The following ADGRL2 variants were observed in gnomAD, a reference collection of about 807,000 sequenced individuals.
ADGRL2 encodes the protein adhesion G protein-coupled receptor L2, also known as calcium-independent alpha-latrotoxin receptor 2.
A neutral mutation model predicts 157.4 loss-of-function variants in ADGRL2; 44 were observed. The observed-to-expected ratio is 0.28, with a 90% CI of 0.22 to 0.36. The LOEUF is 0.36. Ranked by LOEUF, ADGRL2 falls within the 10% of genes least tolerant of loss-of-function variation. The probability of loss-of-function intolerance (pLI) is 1.00; values close to 1 mark genes in which losing one functional copy is unlikely to be tolerated. For missense variants in ADGRL2, 1,510 were observed against 1,768.9 expected (o/e 0.85, Z 2.63); for synonymous variants, 585 against 624.7 (o/e 0.94, Z 0.95).
chr1:81,875,237 AAAGGGATAT>A, intron 2 of ADGRL2, among the ~76,000 whole-genome samples: 1 of 152,256 alleles, frequency 6.6e-6, no homozygotes, highest in East Asian at 1.9e-4. Flanking sequence ...GAGTTGCATT[AAAGGGATAT>A]GACAGAGTGA....
chr1:81,638,500 G>A (rs754619134), intron 3 of ADGRL2, among the ~76,000 whole-genome samples: 2 of 152,012 alleles, frequency 1.3e-5, no homozygotes, highest in African/African-American at 2.4e-5. Flanking sequence ...GTATAAGTGC[G>A]ATAAATAACA....
chr1:81,802,918 C>T (rs959093816), intron 1 of ADGRL2, among the ~76,000 whole-genome samples: 3 of 152,080 alleles, frequency 2.0e-5, no homozygotes, highest in African/African-American at 7.2e-5. Context: ...GGACTGGCTA[C>T]GATTGGGAGC....
chr1:81,421,836 C>T (rs1045238131), intron 1 of ADGRL2, among the ~76,000 whole-genome samples: 1 of 151,966 alleles, frequency 6.6e-6, no homozygotes, highest in African/African-American at 2.4e-5. Flanking sequence ...GGGAAGAAAA[C>T]AGGGTTTAAT....
chr1:81,440,063 A>G (rs2077479510), intron 1 of ADGRL2, among the ~76,000 whole-genome samples: 1 of 152,210 alleles, frequency 6.6e-6, no homozygotes, highest in Non-Finnish European at 1.5e-5. Context: ...AAAAAAGGCT[A>G]AAGCAAAGAC....
chr1:81,706,704 TAAAA>T, intron 1 of ADGRL2, among the ~76,000 whole-genome samples: 1 of 152,130 alleles, frequency 6.6e-6, no homozygotes, highest in Middle Eastern at 3.4e-3. Flanking sequence ...GTCACACAGT[TAAAA>T]AGAAAACTGA....
chr1:81,897,162 C>A (rs1359059257), intron 2 of ADGRL2, among the ~76,000 whole-genome samples: 2 of 152,132 alleles, frequency 1.3e-5, no homozygotes, highest in African/African-American at 2.4e-5. Context: ...GACCTGGTGT[C>A]TTGAACTGGG....
intron 1 of ADGRL2, among the ~76,000 whole-genome samples, chr1:81,314,847 T>A (rs1408888803): frequency 6.6e-6 from 1 of 152,186 alleles, no homozygotes. Flanking sequence ...CTTGTCTGAC[T>A]TTATAACATT....
chr1:81,991,192 T>G lies in ADGRL2; in HGVS notation c.*47T>G. On this transcript the variant is annotated 3_prime_UTR_variant, in exon 24 of 24. Coordinates refer to ENST00000686636, the MANE Select transcript of ADGRL2 (RefSeq NM_001366006.2). ...AGGGCCACATGCGAGTATTAATAAA[T>G]AAAGACACCATTGGCCTGACGCAGC... The G allele has an allele frequency of 1.3e-6, 2 of 1,525,496 alleles. No homozygotes were observed. The highest frequency in any genetic ancestry group is 1.8e-6 in the Non-Finnish European group (2 of 1,132,188). The allele number at this position is 1,525,496 out of a possible 1,614,324, so 94.5% of individuals were successfully genotyped here.
At chr1:81,653,189 AT>A (rs993998643) in intron 3 of ADGRL2, among the ~76,000 whole-genome samples, 2 of 151,856 alleles carry the variant, frequency 1.3e-5, no homozygotes, top group African/African-American at 2.4e-5. Flanking sequence ...CTTGCAACTT[AT>A]TTTTTTACCT....
At chr1:81,682,657 A>G (rs918482186) in intron 3 of ADGRL2, among the ~76,000 whole-genome samples, 1 of 152,162 alleles carries the variant, frequency 6.6e-6, no homozygotes, top group Non-Finnish European at 1.5e-5. Context: ...GTCTCTTGGA[A>G]TGGATGGAAT....
intron 4 of ADGRL2, among the ~76,000 whole-genome samples, chr1:81,940,980 TTATGAA>T (rs1647731481): frequency 6.6e-6 from 1 of 151,356 alleles, no homozygotes; most frequent in East Asian, 1.9e-4. Flanking sequence ...CAGGTTTGTT[TTATGAA>T]AGCATTTACT....
chr1:81,875,042 A>G (rs1218618190), intron 2 of ADGRL2, among the ~76,000 whole-genome samples: 1 of 152,072 alleles, frequency 6.6e-6, no homozygotes, highest in Admixed American at 6.6e-5. Context: ...GTGCTGCCAG[A>G]GGAAAAATGG....
At position 81,803,895 on chromosome 1, in the gene ADGRL2, C is replaced by T. The variant is rs188441965; in HGVS notation, c.-101+2827C>T. ...TATTTATGTGTGGAACGGGTCCCACCGAGTTTGCTCTTTGCTCAACGAAGT... is the reference window on the plus strand; with the variant it reads ...TATTTATGTGTGGAACGGGTCCCACTGAGTTTGCTCTTTGCTCAACGAAGT... On this transcript the variant is annotated intron_variant, in intron 1 of 23. Transcript: ENST00000686636. Among the ~76,000 whole-genome samples the T allele has an allele frequency of 3.7e-4, 57 of 152,252 alleles. 1 individual carries two copies. The highest frequency in any genetic ancestry group is 1.3e-3 in the African/African-American group (55 of 41,554).
chr1:81,332,696 C>A (rs1282357883), intron 1 of ADGRL2, among the ~76,000 whole-genome samples: 1 of 152,122 alleles, frequency 6.6e-6, no homozygotes, highest in Admixed American at 6.5e-5. Context: ...AACGATAATA[C>A]TTTTATTCGA....
At chr1:81,499,684 A>G (rs968496687) in intron 2 of ADGRL2, among the ~76,000 whole-genome samples, 9 of 152,188 alleles carry the variant, frequency 5.9e-5, no homozygotes, top group Non-Finnish European at 1.3e-4. Flanking sequence ...AAAGAGTTAT[A>G]TTGATTCCAC....
intron 1 of ADGRL2, among the ~76,000 whole-genome samples, chr1:81,707,777 C>T (rs2083786996): frequency 6.6e-6 from 1 of 152,060 alleles, no homozygotes. Flanking sequence ...TATTCGAATA[C>T]TTTTTTATTA....
chr1:81,691,624 G>A (rs548190631), intron 3 of ADGRL2, among the ~76,000 whole-genome samples: 16 of 151,466 alleles, frequency 1.1e-4, no homozygotes, highest in Non-Finnish European at 2.2e-4. Context: ...TCAGCCTCTC[G>A]AGTAGCTGGG....
chr1:81,359,651 G>A (rs1347575722), intron 1 of ADGRL2, among the ~76,000 whole-genome samples: 1 of 151,894 alleles, frequency 6.6e-6, no homozygotes. Flanking sequence ...CTAAGCTCCA[G>A]TATTAATAGT....
chr1:81,503,411 G>C, intron 2 of ADGRL2: 5 of 1,613,832 alleles, frequency 3.1e-6, no homozygotes, highest in Non-Finnish European at 4.2e-6. Flanking sequence ...TGTTCACCAA[G>C]TCCTACCTCA....
Sources: allele counts gnomAD v4.1 joint callset (sites outside exome capture counted in the v4.1 genomes callset), GRCh38; gene constraint gnomAD v4.1.1; transcripts MANE v1.5; gene names NCBI Gene and HGNC (gene_info 2026-07-23, HGNC 2026-07-21).